CAMKMT: variants seen among roughly 807,000 people sequenced by gnomAD.
The protein encoded by CAMKMT is calmodulin-lysine N-methyltransferase.
A neutral mutation model predicts 48.0 loss-of-function variants in CAMKMT; 53 were observed. The ratio of observed to expected loss-of-function variants is 1.10; its 90% CI spans 0.89 to 1.39. The LOEUF is 1.39. Among genes scored for constraint, CAMKMT ranks in the 40% most tolerant of loss-of-function variants. The pLI, the probability that CAMKMT is intolerant of heterozygous loss-of-function variation, is 0.00. For synonymous variants in CAMKMT, 165 were observed against 152.3 expected, an observed-to-expected ratio of 1.08 and a Z score of -0.61; for missense variants, 428 against 402.7, an observed-to-expected ratio of 1.06 and a Z score of -0.54.
chr2:44,619,918 G>A (rs1672085299), intron 3 of CAMKMT, among the ~76,000 whole-genome samples: 1 of 152,108 alleles, frequency 6.6e-6, no homozygotes, highest in Non-Finnish European at 1.5e-5. Flanking sequence ...GCCACATTTG[G>A]CCAGAACCCC....
chr2:44,531,059 A>G (rs116521142), intron 3 of CAMKMT, among the ~76,000 whole-genome samples: 2,441 of 152,164 alleles, frequency 0.016, 61 homozygotes, highest in African/African-American at 0.055. Context: ...TTTTAAATAT[A>G]TGGCTTATGA....
At chr2:44,455,693 T>G (rs1344454362) in intron 3 of CAMKMT, among the ~76,000 whole-genome samples, 2 of 152,208 alleles carry the variant, frequency 1.3e-5, no homozygotes, top group African/African-American at 4.8e-5. Flanking sequence ...TGCCATTGTT[T>G]CTTTATTTGC....
intron 3 of CAMKMT, among the ~76,000 whole-genome samples, chr2:44,566,671 TAAG>T (rs1668636649): frequency 6.6e-6 from 1 of 152,096 alleles, no homozygotes; most frequent in South Asian, 2.1e-4. Context: ...GGAAGGAGGT[TAAG>T]AAGTTGTGGC....
intron 3 of CAMKMT, among the ~76,000 whole-genome samples, chr2:44,606,176 A>C (rs940212134): frequency 6.6e-6 from 1 of 152,174 alleles, no homozygotes; most frequent in Non-Finnish European, 1.5e-5. Context: ...CTGGACTTCT[A>C]AAATAGCCAC....
intron 3 of CAMKMT, among the ~76,000 whole-genome samples, chr2:44,485,394 A>G (rs1012785854): frequency 1.3e-5 from 2 of 152,260 alleles, no homozygotes; most frequent in African/African-American, 4.8e-5. Flanking sequence ...CACACACAAT[A>G]TGCTGTACAA....
chr2:44,381,315 A>G (rs1269512801), intron 2 of CAMKMT, among the ~76,000 whole-genome samples: 2 of 152,202 alleles, frequency 1.3e-5, no homozygotes, highest in Non-Finnish European at 1.5e-5. Flanking sequence ...AATTACCATT[A>G]TTACAAAATA....
rs186887866 is a variant in CAMKMT at position 44,485,851 on chromosome 2, A to G, written c.376+95546A>G. 3.7e-3 allele frequency among the ~76,000 whole-genome samples: 569 copies of G among 152,372 alleles called. 2 individuals are homozygous for G. The highest frequency in any genetic ancestry group is 0.013 in the African/African-American group (546 of 41,592). On this transcript the variant is annotated intron_variant, in intron 3 of 10. Coordinates refer to ENST00000378494, the MANE Select transcript of CAMKMT (RefSeq NM_024766.5). ...GCAAAACCAATCTGTGGTGTTAGAA[A>G]TCAGGATAATGCTTACCTCTGGGGA... is the stretch of plus-strand genomic sequence containing the variant.
chr2:44,654,859 T>C (rs551046972), intron 3 of CAMKMT, among the ~76,000 whole-genome samples: 50 of 152,236 alleles, frequency 3.3e-4, no homozygotes, highest in Non-Finnish European at 5.6e-4. Context: ...TAGGAATATT[T>C]CTCAGTGTCA....
chr2:44,668,646 A>G (rs544145893), intron 3 of CAMKMT, among the ~76,000 whole-genome samples: 1 of 152,182 alleles, frequency 6.6e-6, no homozygotes, highest in Admixed American at 6.5e-5. Flanking sequence ...CATACAAGAC[A>G]GCATATATAA....
chr2:44,456,167 C>T (rs1314239538), intron 3 of CAMKMT, among the ~76,000 whole-genome samples: 2 of 152,058 alleles, frequency 1.3e-5, no homozygotes, highest in African/African-American at 4.8e-5. Context: ...ATATTAGATA[C>T]TTAATATGTG....
intron 3 of CAMKMT, among the ~76,000 whole-genome samples, chr2:44,395,683 G>A (rs1182285621): frequency 1.3e-5 from 2 of 152,086 alleles, no homozygotes; most frequent in Non-Finnish European, 2.9e-5. Flanking sequence ...TTATAGTGAG[G>A]TGAACATAAT....
chr2:44,427,097 C>A (rs953784629), intron 3 of CAMKMT, among the ~76,000 whole-genome samples: 1 of 152,176 alleles, frequency 6.6e-6, no homozygotes, highest in Non-Finnish European at 1.5e-5. Flanking sequence ...GCTGGGAAAA[C>A]TGGTTAACCA....
intron 3 of CAMKMT, among the ~76,000 whole-genome samples, chr2:44,585,498 C>T (rs971687793): frequency 1.3e-5 from 2 of 152,184 alleles, no homozygotes; most frequent in African/African-American, 4.8e-5. Context: ...GGCTTAGTGT[C>T]AACCATGAAT....
chr2:44,700,187 T>G (rs1677183701), intron 3 of CAMKMT, among the ~76,000 whole-genome samples: 1 of 152,236 alleles, frequency 6.6e-6, no homozygotes, highest in Non-Finnish European at 1.5e-5. Flanking sequence ...TTCATAGAAT[T>G]GAAGAGTTAG....
chr2:44,508,671 A>T (rs1450080022), intron 3 of CAMKMT, among the ~76,000 whole-genome samples: 1 of 152,206 alleles, frequency 6.6e-6, no homozygotes, highest in Non-Finnish European at 1.5e-5. Flanking sequence ...ATAACTTTCT[A>T]TGGGATTTTT....
chr2:44,761,592 A>G (rs947641564), intron 9 of CAMKMT, among the ~76,000 whole-genome samples: 2 of 152,214 alleles, frequency 1.3e-5, no homozygotes. Flanking sequence ...TTATCCCTCC[A>G]GGCCACCCCT....
rs1048320835 is a variant in CAMKMT at position 44,653,832 on chromosome 2, T to A, written c.377-50451T>A. Among the ~76,000 whole-genome samples the A allele has an allele frequency of 1.3e-5, 2 of 152,188 alleles. No homozygotes were observed. Among genetic ancestry groups the A allele is most frequent in the African/African-American group, 4.8e-5 (2 of 41,456 alleles). ...TCTCATCGAGTGCCTAGAACAAAAC[T>A]GACACATAGTAGACATCAATTAATA... On this transcript the variant is annotated intron_variant, in intron 3 of 10. Transcript: ENST00000378494. This position sits in a 1 kb window ranked among gnomAD's most constrained non-coding sequence, Gnocchi z 5.2.
chr2:44,547,580 G>C (rs948508074), intron 3 of CAMKMT, among the ~76,000 whole-genome samples: 7 of 151,976 alleles, frequency 4.6e-5, no homozygotes, highest in African/African-American at 1.7e-4. Flanking sequence ...AAACTTAAAA[G>C]GCAGTGAAAA....
chr2:44,412,272 G>A (rs1351230531), intron 3 of CAMKMT, among the ~76,000 whole-genome samples: 1 of 152,046 alleles, frequency 6.6e-6, no homozygotes, highest in Non-Finnish European at 1.5e-5. Flanking sequence ...CAAAATAATG[G>A]CTAGCATATC....
Sources: allele counts gnomAD v4.1 joint callset (sites outside exome capture counted in the v4.1 genomes callset), GRCh38; gene constraint gnomAD v4.1.1; non-coding constraint Gnocchi (gnomAD v3.1); transcripts MANE v1.5; gene names NCBI Gene and HGNC (gene_info 2026-07-23, HGNC 2026-07-21).